The following SPRR2B variants were observed in gnomAD, a reference collection of about 807,000 sequenced individuals.
SPRR2B encodes the protein small proline rich protein 2B.
Under a neutral mutation model 1.0 loss-of-function variants are expected in SPRR2B, and 1 was observed. That is an observed-to-expected ratio of 1.01 (90% CI 0.36 to 4.77). The LOEUF (loss-of-function observed/expected upper bound fraction) is 4.77. Among genes scored for constraint, SPRR2B ranks in the 30% most tolerant of loss-of-function variants. The pLI, the probability that SPRR2B is intolerant of heterozygous loss-of-function variation, is 0.16. For synonymous variants in SPRR2B, 27 were observed against 33.4 expected (o/e 0.81, Z 0.66); for missense variants, 53 against 88.7 (o/e 0.60, Z 1.62).
chr1:153,083,943 C>A, the SPRR2B span, among the ~76,000 whole-genome samples: 2 of 152,182 alleles, frequency 1.3e-5, no homozygotes, highest in East Asian at 1.9e-4. Context: ...AGCTGTTGGA[C>A]CTGAATTCTG....
chr1:153,085,009 A>T, the SPRR2B span, among the ~76,000 whole-genome samples: 1 of 152,230 alleles, frequency 6.6e-6, no homozygotes, highest in Non-Finnish European at 1.5e-5. Context: ...TGAGATAAAG[A>T]AATTAAAACC....
chr1:153,083,679 C>T, the SPRR2B span, among the ~76,000 whole-genome samples: 1 of 152,218 alleles, frequency 6.6e-6, no homozygotes, highest in African/African-American at 2.4e-5. Context: ...TCCAGGGGAA[C>T]AGCTGAGCTG....
the SPRR2B span, among the ~76,000 whole-genome samples, chr1:153,077,938 G>A: frequency 0.62 from 94,255 of 152,080 alleles, 29,769 homozygotes; most frequent in African/African-American, 0.74. Flanking sequence ...ACACAAAAAT[G>A]TTTTCGAGTA....
At chr1:153,076,558 G>A (rs570412586), upstream of SPRR2B, among the ~76,000 whole-genome samples, 2 of 152,226 alleles carry the variant, frequency 1.3e-5, no homozygotes, top group Admixed American at 1.3e-4. Context: ...CTCTTACATA[G>A]GATGAGAGTC....
At chr1:153,085,798 T>C in the SPRR2B span, among the ~76,000 whole-genome samples, 1 of 152,164 alleles carries the variant, frequency 6.6e-6, no homozygotes, top group South Asian at 2.1e-4. Context: ...TCAGGTCACC[T>C]ACATAGGGAA....
At chr1:153,078,368 GT>G in the SPRR2B span, among the ~76,000 whole-genome samples, 1 of 151,882 alleles carries the variant, frequency 6.6e-6, no homozygotes, top group Non-Finnish European at 1.5e-5. Flanking sequence ...CTTACTTTCT[GT>G]TTTTTTATTA....
At chr1:153,084,127 C>T in the SPRR2B span, among the ~76,000 whole-genome samples, 1 of 152,140 alleles carries the variant, frequency 6.6e-6, no homozygotes, top group African/African-American at 2.4e-5. Flanking sequence ...ATGGAGAACT[C>T]CAGCGAGGCA....
At chr1:153,081,412 A>T in the SPRR2B span, among the ~76,000 whole-genome samples, 1 of 152,332 alleles carries the variant, frequency 6.6e-6, no homozygotes, top group African/African-American at 2.4e-5. Context: ...AAAGCCCTAA[A>T]ATAAAACACT....
At chr1:153,076,673 C>T in the SPRR2B span, among the ~76,000 whole-genome samples, 85,963 of 151,868 alleles carry the variant, frequency 0.57, 25,113 homozygotes, top group African/African-American at 0.72. Context: ...AATTTTATGA[C>T]ACGATCCAGC....
At chr1:153,079,475 T>C in the SPRR2B span, among the ~76,000 whole-genome samples, 4 of 152,384 alleles carry the variant, frequency 2.6e-5, no homozygotes, top group African/African-American at 4.8e-5. Flanking sequence ...CTAGGTTTTC[T>C]ACTAGAGTTT....
chr1:153,085,383 C>T, the SPRR2B span, among the ~76,000 whole-genome samples: 150,240 of 152,320 alleles, frequency 0.99, 74,096 homozygotes, highest in East Asian at 1. Flanking sequence ...TTTGTTATGT[C>T]ATAATGCAAT....
upstream of SPRR2B, among the ~76,000 whole-genome samples, chr1:153,072,185 C>G (rs1388984207): frequency 1.3e-5 from 2 of 152,134 alleles, no homozygotes; most frequent in African/African-American, 4.8e-5. Flanking sequence ...TACTTCACCT[C>G]TGTCTTTCTC....
chr1:153,077,336 GAGAAA>G, the SPRR2B span, among the ~76,000 whole-genome samples: 1 of 152,144 alleles, frequency 6.6e-6, no homozygotes, highest in Non-Finnish European at 1.5e-5. Flanking sequence ...TTTTGTGTAT[GAGAAA>G]TGATAAAGAG....
chr1:153,075,384 A>T (rs574305988), upstream of SPRR2B, among the ~76,000 whole-genome samples: 2 of 152,218 alleles, frequency 1.3e-5, no homozygotes, highest in East Asian at 1.9e-4. Flanking sequence ...AAAATAAAAA[A>T]AAACAGTTCA....
chr1:153,074,900 A>G (rs1459371865), upstream of SPRR2B, among the ~76,000 whole-genome samples: 1 of 152,182 alleles, frequency 6.6e-6, no homozygotes, highest in Admixed American at 6.5e-5. Context: ...GCTGGATGGA[A>G]GCAGCAGTTG....
At chr1:153,078,851 T>C in the SPRR2B span, among the ~76,000 whole-genome samples, 1 of 152,254 alleles carries the variant, frequency 6.6e-6, no homozygotes, top group Non-Finnish European at 1.5e-5. Flanking sequence ...TATAGCAGCA[T>C]GATTTATAAT....
At chr1:153,077,582 A>AAAG in the SPRR2B span, among the ~76,000 whole-genome samples, 3 of 151,416 alleles carry the variant, frequency 2.0e-5, no homozygotes, top group African/African-American at 2.4e-5. Flanking sequence ...CAAAAAAAAA[A>AAAG]GGATAGAGTT....
the SPRR2B span, among the ~76,000 whole-genome samples, chr1:153,081,966 C>CA: frequency 6.6e-6 from 1 of 152,042 alleles, no homozygotes; most frequent in Non-Finnish European, 1.5e-5. Context: ...AGGCATGTGC[C>CA]ACCACATCCA....
chr1:153,070,397 C>G lies in SPRR2B; in HGVS notation c.*224G>C. 1.2e-6 allele frequency: 1 copy of G among 842,248 alleles called. No individual in the cohort carries two copies. The highest frequency in any genetic ancestry group is 2.2e-5 in the South Asian group (1 of 45,952). 52.2% of individuals were successfully genotyped at this position (842,248 alleles called of 1,614,324 possible). A position where few individuals can be genotyped will look rare whatever the true frequency, so the allele number is the denominator to read the frequency against. ...GCTGAAGCTCTGGGAACTGACAAAGCCAAGGTTCCTTTGCTCAGTCTCCAC... is the reference window on the plus strand; with the variant it reads ...GCTGAAGCTCTGGGAACTGACAAAGGCAAGGTTCCTTTGCTCAGTCTCCAC... On this transcript the variant is annotated 3_prime_UTR_variant, in exon 2 of 2. Coordinates refer to ENST00000368755, the MANE Select transcript of SPRR2B (RefSeq NM_001388198.1).
Sources: allele counts gnomAD v4.1 joint callset (sites outside exome capture counted in the v4.1 genomes callset), GRCh38; gene constraint gnomAD v4.1.1; transcripts MANE v1.5; gene names NCBI Gene and HGNC (gene_info 2026-07-23, HGNC 2026-07-21).